The following PFAS variants were observed in gnomAD, a reference collection of about 807,000 sequenced individuals.
PFAS encodes the protein phosphoribosylformylglycinamidine synthase.
PFAS carries 97 observed loss-of-function variants against 140.6 expected under a neutral mutation model. The ratio of observed to expected loss-of-function variants is 0.69; its 90% CI spans 0.59 to 0.82. The LOEUF (loss-of-function observed/expected upper bound fraction) is 0.82. Ranked by LOEUF, PFAS falls within the 40% of genes least tolerant of loss-of-function variation. The pLI is 0.00. For synonymous variants in PFAS, 679 were observed against 718.8 expected (o/e 0.94, Z 0.88); for missense variants, 1,656 against 1,780.2 (o/e 0.93, Z 1.26).
In PFAS at chr17:8,253,862, C is replaced by G; in HGVS notation, c.-76C>G. 6.6e-7 allele frequency: 1 copy of G among 1,523,000 alleles called. No homozygotes were observed. The highest frequency in any genetic ancestry group is 8.8e-7 in the Non-Finnish European group (1 of 1,133,064). The allele number at this position is 1,523,000 out of a possible 1,614,324, so 94.3% of individuals were successfully genotyped here. ...CTTAGTTAATGTTATTTTTTAGGAA[C>G]CTAATTCATCTCTCCAGCAAAGGAC... is the stretch of plus-strand genomic sequence containing the variant. On this transcript the variant is annotated 5_prime_UTR_variant, in exon 2 of 28. Coordinates refer to ENST00000314666, the MANE Select transcript of PFAS (RefSeq NM_012393.3).
Position 8,266,863 on chromosome 17 carries a change from C to T in PFAS, c.2932C>T (p.Leu978=). ...YRDAGLHCLE[L]GHTGEAGPHA... is the part of the protein sequence containing the mutation. Reference sequence around the variant, plus strand: ...GGATGCTGGCCTCCATTGCCTGGAGCTGGGCCACACAGGCGAGGCCGGGCC... The same window carrying T: ...GGATGCTGGCCTCCATTGCCTGGAGTTGGGCCACACAGGCGAGGCCGGGCC... The change falls in exon 23 of 28, where the codon CTG becomes TTG. Residue 978 remains leucine, a synonymous_variant. Coordinates refer to ENST00000314666, the MANE Select transcript of PFAS (RefSeq NM_012393.3). The surrounding 1 kb of genome is among the most constrained non-coding windows in gnomAD (Gnocchi z 5.0). The T allele has an allele frequency of 6.2e-7, 1 of 1,608,356 alleles. No homozygotes were observed. Among genetic ancestry groups the T allele is most frequent in the South Asian group, 1.1e-5 (1 of 90,912 alleles).
At position 8,266,645 on chromosome 17, in the gene PFAS, G is replaced by A. The variant is rs978488738; in HGVS notation, c.2822-108G>A. On this transcript the variant is annotated intron_variant, in intron 22 of 27. Transcript: ENST00000314666. This position sits in a 1 kb window ranked among gnomAD's most constrained non-coding sequence, Gnocchi z 5.0. ...TCCCTGATCCCTACCCTACTCTCTG[G>A]CTGCATCCCTCTGACCCTCACCCTG... 4.0e-6 allele frequency: 6 copies of A among 1,508,960 alleles called. No individual in the cohort carries two copies. Among genetic ancestry groups the A allele is most frequent in the Non-Finnish European group, 5.3e-6 (6 of 1,135,368 alleles). 93.5% of individuals were successfully genotyped at this position (1,508,960 alleles called of 1,614,324 possible). A position where few individuals can be genotyped will look rare whatever the true frequency, so the allele number is the denominator to read the frequency against.
chr17:8,264,132 T>C, intron 15 of PFAS, 80 bp from the exon 16 acceptor site: 1 of 1,580,262 alleles, frequency 6.3e-7, no homozygotes, highest in South Asian at 1.1e-5. Context: ...GAAAGCACAT[T>C]TGTGCCCTGA....
Position 8,261,070 on chromosome 17 carries a change from C to G in PFAS, c.1337-1850C>G, listed in dbSNP as rs76053109. 3.4e-3 allele frequency among the ~76,000 whole-genome samples: 515 copies of G among 152,320 alleles called. 8 individuals carry two copies. The highest frequency in any genetic ancestry group is 0.017 in the East Asian group (86 of 5,196). Reference sequence around the variant, plus strand: ...CAAAGCAGCTGTACCATTTTACATTCTCTCTGGCAGTGTGTGAGGGTTCCA... The same window carrying G: ...CAAAGCAGCTGTACCATTTTACATTGTCTCTGGCAGTGTGTGAGGGTTCCA... On this transcript the variant is annotated intron_variant, in intron 11 of 27. Coordinates refer to ENST00000314666, the MANE Select transcript of PFAS (RefSeq NM_012393.3).
At position 8,266,757 on chromosome 17, in the gene PFAS, G is replaced by A. The variant is rs1327705321; in HGVS notation, c.2826G>A (p.Leu942=). ...VDVPVPRVDV[L]SVLFAEEPGL... Reference sequence around the variant, plus strand: ...CTCCCCACATTGCTCTCCCAGTCCTGTCTGTGCTGTTCGCTGAGGAGCCAG... The same window carrying A: ...CTCCCCACATTGCTCTCCCAGTCCTATCTGTGCTGTTCGCTGAGGAGCCAG... The change falls in exon 23 of 28, where the codon CTG becomes CTA. Residue 942 remains leucine (L), a synonymous_variant. Transcript: ENST00000314666. The surrounding 1 kb of genome is among the most constrained non-coding windows in gnomAD (Gnocchi z 5.0). The A allele has an allele frequency of 1.9e-6, 3 of 1,606,116 alleles. No homozygotes were observed. The highest frequency in any genetic ancestry group is 2.2e-5 in the East Asian group (1 of 44,892).
At position 8,255,517 on chromosome 17, in the gene PFAS, T is replaced by A; in HGVS notation, c.400T>A (p.Ser134Thr). ...RYRLSFAHPP[S>T]AEVEAIALAT... The stretch of plus-strand genomic sequence containing the variant: ...GCACCCCTAGTTTGCCCACCCCCCG[T>A]CAGCTGAGGTGGAAGCCATTGCTCT... The change falls in exon 5 of 28, where the codon TCA becomes ACA. Residue 134 changes from serine (S) to threonine (T), a missense_variant. Coordinates refer to ENST00000314666, the MANE Select transcript of PFAS (RefSeq NM_012393.3). 1 of 1,517,738 alleles carries A rather than the reference T, an allele frequency of 6.6e-7. No homozygotes were observed. The highest frequency in any genetic ancestry group is 8.8e-7 in the Non-Finnish European group (1 of 1,134,504). The allele number at this position is 1,517,738 out of a possible 1,614,324, so 94.0% of individuals were successfully genotyped here. A position where few individuals can be genotyped will look rare whatever the true frequency, so the allele number is the denominator to read the frequency against.
chr17:8,255,473 C>G lies in PFAS; in HGVS notation c.385-29C>G, dbSNP rs201264913. 2.7e-6 allele frequency: 4 copies of G among 1,483,052 alleles called. No individual in the cohort carries two copies. In the East Asian group the frequency reaches 9.2e-5, roughly 34 times the overall value. The allele number at this position is 1,483,052 out of a possible 1,614,324, so 91.9% of individuals were successfully genotyped here. On this transcript the variant is annotated intron_variant, in intron 4 of 27. Transcript: ENST00000314666. ...TCTCTCCATTCTTAAACTCTTCACC[C>G]CTTGCCCTCTGTGTGTCTGCACCCC...
chr17:8,257,669 G>C, intron 9 of PFAS, 138 bp from the exon 10 acceptor site: 1 of 862,638 alleles, frequency 1.2e-6, no homozygotes. Context: ...GCTTCCTAAA[G>C]CAGGACTTCC....
chr17:8,265,345 G>T lies in PFAS; in HGVS notation c.2338G>T (p.Ala780Ser), dbSNP rs756326201. Reference sequence around the variant, plus strand: ...AGCCAAGCTCCCAGGGGAGGGCGCAGCTTTGGCGGATGCCTGTGAGGCTAT... The same window carrying T: ...AGCCAAGCTCCCAGGGGAGGGCGCATCTTTGGCGGATGCCTGTGAGGCTAT... ...WAAKLPGEGA[A>S]LADACEAMVA... Residue 780 changes from alanine (A) to serine (S), a missense_variant, in exon 19 of 28, where the codon GCT becomes TCT. Coordinates refer to ENST00000314666, the MANE Select transcript of PFAS (RefSeq NM_012393.3). 5 of 1,614,222 alleles carry T rather than the reference G, an allele frequency of 3.1e-6. No homozygotes were observed. The South Asian group carries it at 5.5e-5, about 18-fold the overall frequency.
rs139729841 is a variant in PFAS, at chr17:8,252,887, G to A, written c.-79-972G>A. On this transcript the variant is annotated intron_variant, in intron 1 of 27. Transcript: ENST00000314666. ...CCCACCTCAGCCTCCAAAGGGCTAA[G>A]ATTACAGGTGTTAGCCACTATGCCC... Among the ~76,000 whole-genome samples the A allele has an allele frequency of 1.2e-3, 183 of 152,308 alleles. 1 individual carries two copies. Among genetic ancestry groups the A allele is most frequent in the Middle Eastern group, 6.8e-3 (2 of 294 alleles).
chr17:8,265,337 AG>A lies in PFAS; in HGVS notation c.2333del (p.Gly778AlafsTer14). ...ATGTGGGCAGCCAAGCTCCCAGGGG[AG>A]GGCGCAGCTTTGGCGGATGCCTGTG... is the stretch of plus-strand genomic sequence containing the variant. ...NWMWAAKLPG[E>X]GAALADACEA... On this transcript the variant is annotated frameshift_variant, in exon 19 of 28. Coordinates refer to ENST00000314666, the MANE Select transcript of PFAS (RefSeq NM_012393.3). LOFTEE classifies it high-confidence loss of function. The A allele has an allele frequency of 6.2e-7, 1 of 1,614,030 alleles. No individual in the cohort carries two copies.
At chr17:8,251,918 C>A (rs1313459079) in intron 1 of PFAS, among the ~76,000 whole-genome samples, 1 of 151,916 alleles carries the variant, frequency 6.6e-6, no homozygotes, top group Non-Finnish European at 1.5e-5. Context: ...AGTGATCTGC[C>A]CCTCTTGGCC....
rs1300777363 is a variant in PFAS, at chr17:8,270,467, A to G, written c.*1203A>G. 1 of 152,278 alleles carries G rather than the reference A, an allele frequency of 6.6e-6. No individual in the cohort carries two copies. The allele number at this position is 152,278 out of a possible 1,614,324, so 9.4% of individuals were successfully genotyped here. A position where few individuals can be genotyped will look rare whatever the true frequency, so the allele number is the denominator to read the frequency against. ...GATAGCCCCTCCCCGCCTTTTCAAT[A>G]AAGGATGAATGAAGGTTGACTGCAT... is the stretch of plus-strand genomic sequence containing the variant. On this transcript the variant is annotated 3_prime_UTR_variant, in exon 28 of 28. Coordinates refer to ENST00000314666, the MANE Select transcript of PFAS (RefSeq NM_012393.3).
rs182400366 is a variant in PFAS at position 8,266,527 on chromosome 17, C to T, written c.2821+174C>T. On this transcript the variant is annotated intron_variant, in intron 22 of 27. Coordinates refer to ENST00000314666, the MANE Select transcript of PFAS (RefSeq NM_012393.3). The surrounding 1 kb of genome is among the most constrained non-coding windows in gnomAD (Gnocchi z 5.0). ...TGAACTGGATGGAACTGGCTGACACCCACCATGTTCCTGACTGCACCCCTC... is the reference window on the plus strand; with the variant it reads ...TGAACTGGATGGAACTGGCTGACACTCACCATGTTCCTGACTGCACCCCTC... 713 of 1,453,832 alleles carry T rather than the reference C, an allele frequency of 4.9e-4. 3 individuals are homozygous for T. The African/African-American group carries it at 9.0e-3, about 18-fold the overall frequency. 90.1% of individuals were successfully genotyped at this position (1,453,832 alleles called of 1,614,324 possible).
rs1989785704 is a variant in PFAS at position 8,265,705 on chromosome 17, G to T, written c.2545+66G>T. ...GATCTTTGTTTGGCTCCTGCTTTGT[G>T]AGTGCTGGGCCCCCATCTCAACACT... On this transcript the variant is annotated intron_variant, in intron 20 of 27. Transcript: ENST00000314666. 3.4e-6 allele frequency: 5 copies of T among 1,471,588 alleles called. No individual in the cohort carries two copies. In the African/African-American group the frequency reaches 4.2e-5, roughly 12 times the overall value. 91.2% of individuals were successfully genotyped at this position (1,471,588 alleles called of 1,614,324 possible).
rs368695840 is a variant in PFAS at position 8,266,259 on chromosome 17, T to C, written c.2727T>C (p.Asp909=). Residue 909 remains aspartate, a synonymous_variant, in exon 22 of 28, where the codon GAT becomes GAC. Transcript: ENST00000314666. The surrounding 1 kb of genome is among the most constrained non-coding windows in gnomAD (Gnocchi z 5.0). ...LKDRLLCSGH[D]VSDGGLVTCL... ...ACCGCCTCCTCTGCTCAGGCCACGA[T>C]GTCAGTGACGGAGGCCTCGTCACAT... 4.3e-6 allele frequency: 7 copies of C among 1,613,964 alleles called. No individual in the cohort carries two copies. The African/African-American group carries it at 8.0e-5, about 18-fold the overall frequency.
In PFAS at chr17:8,268,876, G is replaced by T; in HGVS notation, c.3706+20G>T. ...GGGAAGGTCAGGCCCAAGGAAGGCT[G>T]GGGGAGGGCCCGAGGGTTGGGGGCA... On this transcript the variant is annotated intron_variant, in intron 27 of 27. Transcript: ENST00000314666. 6.2e-7 allele frequency: 1 copy of T among 1,611,252 alleles called. No individual in the cohort carries two copies.
At chr17:8,257,526 A>G (rs954254340) in intron 9 of PFAS, among the ~76,000 whole-genome samples, 3 of 152,044 alleles carry the variant, frequency 2.0e-5, no homozygotes, top group Non-Finnish European at 2.9e-5. Context: ...ACTGCACGCT[A>G]GCCTGGGTGA....
rs1478938553 is a variant in PFAS, at chr17:8,269,606, A to G, written c.*342A>G. On this transcript the variant is annotated 3_prime_UTR_variant, in exon 28 of 28. Coordinates refer to ENST00000314666, the MANE Select transcript of PFAS (RefSeq NM_012393.3). ...AACACCCAGTGATCACCGGTGTGCA[A>G]TTGCCTCCTTGGCTCTGAGGGATGT... 2.1e-5 allele frequency: 5 copies of G among 240,396 alleles called. No individual in the cohort carries two copies. The highest frequency in any genetic ancestry group is 9.9e-5 in the South Asian group (1 of 10,140). The allele number at this position is 240,396 out of a possible 1,614,324, so 14.9% of individuals were successfully genotyped here.
Sources: allele counts gnomAD v4.1 joint callset (sites outside exome capture counted in the v4.1 genomes callset), GRCh38; gene constraint gnomAD v4.1.1; non-coding constraint Gnocchi (gnomAD v3.1); transcripts MANE v1.5; gene names NCBI Gene and HGNC (gene_info 2026-07-23, HGNC 2026-07-21).